Variants in NAALADL2 observed in about 807,000 individuals in gnomAD.
The protein encoded by NAALADL2 is inactive N-acetylated-alpha-linked acidic dipeptidase-like protein 2.
Under a neutral mutation model 87.2 loss-of-function variants are expected in NAALADL2, and 76 were observed. That is an observed-to-expected ratio of 0.87 (90% CI 0.72 to 1.05). NAALADL2 has a LOEUF of 1.05. Ranked by LOEUF, NAALADL2 falls within the 50% of genes least tolerant of loss-of-function variation. The pLI, the probability that NAALADL2 is intolerant of heterozygous loss-of-function variation, is 0.00. For missense variants in NAALADL2, 1,089 were observed against 945.8 expected (o/e 1.15, Z -1.99); for synonymous variants, 354 against 331.0 (o/e 1.07, Z -0.75).
At chr3:175,239,690 T>G (rs563361523) in intron 3 of NAALADL2, among the ~76,000 whole-genome samples, 1 of 152,328 alleles carries the variant, frequency 6.6e-6, no homozygotes, top group African/African-American at 2.4e-5. Flanking sequence ...GAAGCTACAT[T>G]ATTATGAAGA....
intron 11 of NAALADL2, among the ~76,000 whole-genome samples, chr3:175,696,117 A>G (rs1737764325): frequency 6.6e-6 from 1 of 152,146 alleles, no homozygotes; most frequent in African/African-American, 2.4e-5. Flanking sequence ...ATTAATTTCA[A>G]CACCTTCAGA....
intron 1 of NAALADL2, among the ~76,000 whole-genome samples, chr3:175,072,488 C>T (rs1396100637): frequency 1.3e-5 from 2 of 151,354 alleles, no homozygotes; most frequent in African/African-American, 2.4e-5. Flanking sequence ...TCTTTAAAAA[C>T]GTTTGGCAAG....
At chr3:174,808,534 CA>C (rs1719771765) in intron 3 of NAALADL2, among the ~76,000 whole-genome samples, 1 of 152,008 alleles carries the variant, frequency 6.6e-6, no homozygotes. Flanking sequence ...AAAATGCTGC[CA>C]AAAAGTCAAT....
At chr3:174,594,666 G>T (rs1717703026) in intron 2 of NAALADL2, among the ~76,000 whole-genome samples, 1 of 152,138 alleles carries the variant, frequency 6.6e-6, no homozygotes, top group African/African-American at 2.4e-5. Context: ...AGATCTGGCT[G>T]CTAGTAAGAA....
chr3:175,672,757 T>C (rs926764799), intron 11 of NAALADL2, among the ~76,000 whole-genome samples: 1 of 152,166 alleles, frequency 6.6e-6, no homozygotes, highest in Non-Finnish European at 1.5e-5. Context: ...AAATCAAAAA[T>C]ATTTTCTGTT....
intron 4 of NAALADL2, among the ~76,000 whole-genome samples, chr3:175,276,566 G>A (rs1753626873): frequency 1.3e-5 from 2 of 152,000 alleles, no homozygotes; most frequent in African/African-American, 4.8e-5. Context: ...GCCTCCCAAA[G>A]TGCTGGGATT....
At chr3:174,677,921 G>A (rs1174436273) in intron 2 of NAALADL2, among the ~76,000 whole-genome samples, 1 of 151,752 alleles carries the variant, frequency 6.6e-6, no homozygotes, top group Non-Finnish European at 1.5e-5. Flanking sequence ...TCAATAAATA[G>A]ACTACAAAAA....
At chr3:174,447,801 C>T (rs1375792661) in intron 1 of NAALADL2, among the ~76,000 whole-genome samples, 6 of 151,680 alleles carry the variant, frequency 4.0e-5, no homozygotes, top group Admixed American at 6.6e-5. Context: ...GGCAACAGAG[C>T]GAGACTCTGT....
chr3:175,536,478 A>T (rs1052338727), intron 9 of NAALADL2, among the ~76,000 whole-genome samples: 1 of 152,152 alleles, frequency 6.6e-6, no homozygotes, highest in African/African-American at 2.4e-5. Flanking sequence ...CTAATTTTAT[A>T]ATGTATTTAC....
intron 1 of NAALADL2, among the ~76,000 whole-genome samples, chr3:174,533,148 G>A (rs9880701): frequency 0.015 from 1,681 of 113,104 alleles, 39 homozygotes; most frequent in African/African-American, 0.057. Context: ...AGTTTAGGTT[G>A]TATGACCCAA....
At chr3:175,458,454 A>G (rs1429893161) in intron 6 of NAALADL2, among the ~76,000 whole-genome samples, 2 of 143,986 alleles carry the variant, frequency 1.4e-5, no homozygotes, top group Non-Finnish European at 3.0e-5. Flanking sequence ...TACAATCAAC[A>G]ACATATATAG....
chr3:175,652,893 A>T (rs962730055), intron 11 of NAALADL2, among the ~76,000 whole-genome samples: 3 of 152,100 alleles, frequency 2.0e-5, no homozygotes, highest in Non-Finnish European at 2.9e-5. Context: ...ATGCACACAT[A>T]ACTTTTGACT....
chr3:175,009,684 G>C (rs544743770), intron 1 of NAALADL2, among the ~76,000 whole-genome samples: 9 of 151,378 alleles, frequency 5.9e-5, no homozygotes, highest in Admixed American at 5.9e-4. Context: ...AAGTTTCCTT[G>C]CTTCTAGATG....
chr3:175,210,194 C>T (rs1288650773), intron 2 of NAALADL2, among the ~76,000 whole-genome samples: 1 of 151,316 alleles, frequency 6.6e-6, no homozygotes, highest in Non-Finnish European at 1.5e-5. Context: ...AATGGCTAAA[C>T]AAAACATGAA....
chr3:175,694,134 T>A (rs1737423115), intron 11 of NAALADL2, among the ~76,000 whole-genome samples: 1 of 152,208 alleles, frequency 6.6e-6, no homozygotes, highest in Admixed American at 6.5e-5. Flanking sequence ...TGGCATCAGC[T>A]ATTGTCTCTA....
In NAALADL2 at chr3:175,125,961, G is replaced by A. The variant is rs772462787; in HGVS notation, c.545+28670G>A. 6.6e-4 allele frequency among the ~76,000 whole-genome samples: 101 copies of A among 152,134 alleles called. 1 individual carries two copies. The highest frequency in any genetic ancestry group is 3.4e-3 in the Middle Eastern group (1 of 294). On this transcript the variant is annotated intron_variant, in intron 2 of 13. Coordinates refer to ENST00000454872, the MANE Select transcript of NAALADL2 (RefSeq NM_207015.3). ...AGCATAGGAGACTTGAAATTGAAAGGCAATACTCCTGAATTTACAGGAAAT... is the reference window on the plus strand; with the variant it reads ...AGCATAGGAGACTTGAAATTGAAAGACAATACTCCTGAATTTACAGGAAAT...
chr3:174,806,594 C>G (rs1001494016), intron 3 of NAALADL2, among the ~76,000 whole-genome samples: 1 of 152,086 alleles, frequency 6.6e-6, no homozygotes, highest in African/African-American at 2.4e-5. Flanking sequence ...ATACAGTTAC[C>G]TTTGTTTTAC....
intron 1 of NAALADL2, among the ~76,000 whole-genome samples, chr3:174,991,161 C>G (rs906186025): frequency 6.6e-6 from 1 of 152,008 alleles, no homozygotes; most frequent in Non-Finnish European, 1.5e-5. Context: ...ATTGACATTC[C>G]TGTATATTTA....
chr3:174,607,802 T>C (rs1315863623), intron 2 of NAALADL2, among the ~76,000 whole-genome samples: 1 of 152,068 alleles, frequency 6.6e-6, no homozygotes, highest in Non-Finnish European at 1.5e-5. Context: ...AACTCAGCTC[T>C]TCACCAAGTG....
Sources: gnomAD v4.1 joint callset for allele counts (sites outside exome capture counted in the v4.1 genomes callset) on GRCh38, gnomAD v4.1.1 for gene constraint, MANE v1.5 for transcripts, NCBI Gene and HGNC (gene_info 2026-07-23, HGNC 2026-07-21) for gene names.